Variants in CCDC12 observed in about 807,000 individuals in gnomAD.
CCDC12 encodes the protein coiled-coil domain-containing protein 12.
CCDC12 carries 28 observed loss-of-function variants against 25.7 expected under a neutral mutation model. The ratio of observed to expected loss-of-function variants is 1.09; its 90% CI spans 0.81 to 1.50. CCDC12 has a LOEUF of 1.50. Among genes scored for constraint, CCDC12 ranks in the 40% most tolerant of loss-of-function variants. The pLI, the probability that CCDC12 is intolerant of heterozygous loss-of-function variation, is 0.00. For synonymous variants in CCDC12, 75 were observed against 87.7 expected (o/e 0.86, Z 0.81); for missense variants, 198 against 210.0 (o/e 0.94, Z 0.35).
At chr3:46,934,954 G>C (rs2033385788) in intron 2 of CCDC12, among the ~76,000 whole-genome samples, 1 of 152,230 alleles carries the variant, frequency 6.6e-6, no homozygotes, top group African/African-American at 2.4e-5. Flanking sequence ...CATGATCTGT[G>C]ATACACCCTG....
intron 1 of CCDC12, among the ~76,000 whole-genome samples, chr3:46,954,445 C>G (rs146765236): frequency 3.9e-5 from 6 of 152,304 alleles, no homozygotes; most frequent in African/African-American, 1.2e-4. Context: ...CACCCTAGTC[C>G]CATGGCCCTG....
chr3:46,945,386 T>C (rs561192039), intron 1 of CCDC12, among the ~76,000 whole-genome samples: 2 of 152,274 alleles, frequency 1.3e-5, no homozygotes, highest in African/African-American at 4.8e-5. Context: ...TACTCCCCCA[T>C]TTCTCACCCC....
chr3:46,922,346 G>A (rs1237254867), intron 5 of CCDC12, 34 bp from the exon 6 acceptor site: 3 of 1,612,650 alleles, frequency 1.9e-6, no homozygotes, highest in East Asian at 2.2e-5. Context: ...GCAGGAAGGT[G>A]AAGGCTGGCC....
chr3:46,958,705 A>G (rs1015459069), intron 1 of CCDC12, among the ~76,000 whole-genome samples: 2 of 152,100 alleles, frequency 1.3e-5, no homozygotes, highest in African/African-American at 4.8e-5. Context: ...ACTCCGCGAA[A>G]GGAGGAGCTG....
At chr3:46,976,971 A>T, upstream of CCDC12, 1 of 315,258 alleles carries the variant, frequency 3.2e-6, no homozygotes, top group Non-Finnish European at 5.6e-6. Context: ...AAAAAAAAAG[A>T]AAAAAAAAAA....
At chr3:46,953,647 G>GGAAAA (rs2034197236) in intron 1 of CCDC12, among the ~76,000 whole-genome samples, 1 of 145,960 alleles carries the variant, frequency 6.9e-6, no homozygotes, top group Non-Finnish European at 1.5e-5. Flanking sequence ...TCTCAAGCTT[G>GGAAAA]GAAAAAAAAA....
intron 2 of CCDC12, among the ~76,000 whole-genome samples, chr3:46,927,999 T>C (rs935581747): frequency 6.6e-6 from 1 of 152,138 alleles, no homozygotes; most frequent in Non-Finnish European, 1.5e-5. Flanking sequence ...AGGCCCAAGA[T>C]TTAACCTCCC....
intron 2 of CCDC12, among the ~76,000 whole-genome samples, chr3:46,927,691 T>C (rs2033023331): frequency 6.6e-6 from 1 of 152,176 alleles, no homozygotes; most frequent in Admixed American, 6.5e-5. Context: ...AGTTTCCACA[T>C]TTAGAAACAT....
chr3:46,960,289 C>T (rs1490255301), intron 1 of CCDC12, among the ~76,000 whole-genome samples: 4 of 152,162 alleles, frequency 2.6e-5, no homozygotes, highest in African/African-American at 9.7e-5. Context: ...TGACTCCTCA[C>T]CCCAGACACA....
chr3:46,976,278 A>C, intron 1 of CCDC12: 2 of 1,080,900 alleles, frequency 1.9e-6, no homozygotes, highest in Non-Finnish European at 1.1e-6. Flanking sequence ...AAGACCAGCT[A>C]GGCCATAGAG....
upstream of CCDC12, chr3:46,976,883 TCCCCGCCTTGCCCCG>T: frequency 8.1e-7 from 1 of 1,235,910 alleles, no homozygotes; most frequent in Non-Finnish European, 1.0e-6. Flanking sequence ...GGGCGAGCCC[TCCCCGCCTTGCCCCG>T]CCCCGCCCCG....
At chr3:46,967,992 C>T (rs2034689595) in intron 1 of CCDC12, among the ~76,000 whole-genome samples, 1 of 152,198 alleles carries the variant, frequency 6.6e-6, no homozygotes, top group Non-Finnish European at 1.5e-5. Flanking sequence ...TCTCTCAAGA[C>T]AACCCAACGA....
intron 1 of CCDC12, among the ~76,000 whole-genome samples, chr3:46,950,228 C>T (rs1424039222): frequency 6.6e-6 from 1 of 152,074 alleles, no homozygotes; most frequent in Non-Finnish European, 1.5e-5. Flanking sequence ...GAACCCAGGA[C>T]CCAGCACCCA....
chr3:46,975,521 CTTTT>C (rs1292016426), intron 1 of CCDC12, among the ~76,000 whole-genome samples: 2 of 132,590 alleles, frequency 1.5e-5, no homozygotes, highest in African/African-American at 2.9e-5. Flanking sequence ...AGAAATAAAT[CTTTT>C]CTTTTTTTTT....
At chr3:46,922,197 C>A in intron 6 of CCDC12, 39 bp downstream of exon 6, 1 of 1,613,964 alleles carries the variant, frequency 6.2e-7, no homozygotes, top group Admixed American at 1.7e-5. Context: ...GGCCACCACC[C>A]AGTGGGCAGG....
At chr3:46,958,767 C>T (rs1353134517) in intron 1 of CCDC12, among the ~76,000 whole-genome samples, 2 of 152,134 alleles carry the variant, frequency 1.3e-5, no homozygotes, top group African/African-American at 4.8e-5. Context: ...AGCATCCTCC[C>T]CAACTCTCCT....
intron 1 of CCDC12, among the ~76,000 whole-genome samples, chr3:46,975,069 G>A (rs753482494): frequency 6.6e-6 from 1 of 152,174 alleles, no homozygotes; most frequent in Non-Finnish European, 1.5e-5. Context: ...GAACAAAGTA[G>A]AAATGGAACT....
At chr3:46,930,636 CCTCT>C (rs1323540151) in intron 2 of CCDC12, among the ~76,000 whole-genome samples, 1 of 152,238 alleles carries the variant, frequency 6.6e-6, no homozygotes, top group Non-Finnish European at 1.5e-5. Context: ...ACTGGCCCTC[CCTCT>C]GACTCAGGGA....
In CCDC12 at chr3:46,923,315, C is replaced by A; in HGVS notation, c.341+14G>T. The A allele has an allele frequency of 6.8e-7, 1 of 1,478,070 alleles. No homozygotes were observed. The highest frequency in any genetic ancestry group is 9.0e-7 in the Non-Finnish European group (1 of 1,113,232). 91.6% of individuals were successfully genotyped at this position (1,478,070 alleles called of 1,614,324 possible). ...CGAGTCAGCCTGCACCCGCCACGCA[C>A]GGGCAACACTCACCAGTCAGGCTTC... On this transcript the variant is annotated intron_variant, in intron 5 of 6. Coordinates refer to ENST00000683445, the MANE Select transcript of CCDC12 (RefSeq NM_001277074.2).
Sources: allele counts gnomAD v4.1 joint callset (sites outside exome capture counted in the v4.1 genomes callset), GRCh38; gene constraint gnomAD v4.1.1; transcripts MANE v1.5; gene names NCBI Gene and HGNC (gene_info 2026-07-23, HGNC 2026-07-21).